NR3C1: variants seen among roughly 807,000 people sequenced by gnomAD.
The protein encoded by NR3C1 is glucocorticoid receptor.
In NR3C1, 14 loss-of-function variants were observed where a neutral mutation model predicts 74.0. The ratio of observed to expected loss-of-function variants is 0.19; its 90% confidence interval spans 0.12 to 0.30. The LOEUF (loss-of-function observed/expected upper bound fraction) is 0.30. Among genes scored for constraint, NR3C1 ranks in the 10% least tolerant of loss-of-function variants. NR3C1 has a pLI of 1.00. For missense variants in NR3C1, 695 were observed against 909.8 expected (o/e 0.76, Z 3.04); for synonymous variants, 308 against 332.5 (o/e 0.93, Z 0.80).
At chr5:143,333,906 CTT>C (rs749499262) in intron 2 of NR3C1, among the ~76,000 whole-genome samples, 36 of 152,164 alleles carry the variant, frequency 2.4e-4, no homozygotes, top group Non-Finnish European at 4.7e-4. Context: ...CTGAAGAAAT[CTT>C]AACTTTTTGA....
At chr5:143,282,141 A>G in intron 8 of NR3C1, 100 bp from the exon 9 acceptor site, 2 of 1,227,276 alleles carry the variant, frequency 1.6e-6, no homozygotes, top group Non-Finnish European at 2.4e-6. Flanking sequence ...CTGGCCTAGA[A>G]TATACCAATC....
intron 2 of NR3C1, among the ~76,000 whole-genome samples, chr5:143,395,615 A>T (rs1182041297): frequency 1.3e-5 from 2 of 151,852 alleles, no homozygotes; most frequent in African/African-American, 4.8e-5. Context: ...TTGCCCACCT[A>T]AGTACTAGTA....
chr5:143,404,549 C>T, upstream of NR3C1: 1 of 932,858 alleles, frequency 1.1e-6, no homozygotes, highest in Non-Finnish European at 1.3e-6. Flanking sequence ...GTCTGCGAGG[C>T]GGCGGCGGCG....
At chr5:143,288,345 T>A (rs1321183607) in intron 7 of NR3C1, among the ~76,000 whole-genome samples, 1 of 151,992 alleles carries the variant, frequency 6.6e-6, no homozygotes, top group Non-Finnish European at 1.5e-5. Context: ...GGTCTCGAAC[T>A]CCTGACTTGA....
chr5:143,418,016 G>C (rs1042289108), intron 1 of NR3C1, among the ~76,000 whole-genome samples: 1 of 152,140 alleles, frequency 6.6e-6, no homozygotes, highest in African/African-American at 2.4e-5. Flanking sequence ...TCTTTAACCA[G>C]CAAAATACTA....
chr5:143,419,995 C>T (rs1356217868), intron 1 of NR3C1, among the ~76,000 whole-genome samples: 1 of 152,130 alleles, frequency 6.6e-6, no homozygotes, highest in Non-Finnish European at 1.5e-5. Context: ...CAGGGATGTT[C>T]CTTGCTGAGA....
chr5:143,383,794 T>C (rs1385575959), intron 2 of NR3C1, among the ~76,000 whole-genome samples: 1 of 152,238 alleles, frequency 6.6e-6, no homozygotes, highest in Non-Finnish European at 1.5e-5. Flanking sequence ...TATGTATTTT[T>C]ATTATAAAGA....
Position 143,427,476 on chromosome 5 carries a change from T to C in NR3C1, c.-14+7056A>G, listed in dbSNP as rs557058400. Among the ~76,000 whole-genome samples, 21 of 152,184 alleles carry C rather than the reference T, an allele frequency of 1.4e-4. No individual in the cohort carries two copies. In the East Asian group the frequency reaches 3.9e-3, roughly 28 times the overall value. On this transcript the variant is annotated intron_variant, in intron 1 of 8. Coordinates refer to the NR3C1 transcript ENST00000343796. ...GGCAAGAAGAAGAGGGGAAAGATAG[T>C]TGGCAAAACAAACCTCAGCAGTGCC...
chr5:143,409,493 A>G (rs1841225390), intron 1 of NR3C1, among the ~76,000 whole-genome samples: 1 of 152,236 alleles, frequency 6.6e-6, no homozygotes. Flanking sequence ...GAACATGTTA[A>G]GCCCACACAA....
At chr5:143,403,083 C>T (rs1840652613) in intron 1 of NR3C1, 128 bp downstream of exon 1, 2 of 806,940 alleles carry the variant, frequency 2.5e-6, no homozygotes, top group African/African-American at 3.7e-5. Context: ...CTTGCCAGCC[C>T]CCCACCCCCA....
chr5:143,287,329 A>T (rs1282147562), intron 7 of NR3C1, among the ~76,000 whole-genome samples: 1 of 152,164 alleles, frequency 6.6e-6, no homozygotes, highest in African/African-American at 2.4e-5. Context: ...GGCACAAATT[A>T]TGAAAATCTA....
At chr5:143,384,080 T>C (rs767012639) in intron 2 of NR3C1, among the ~76,000 whole-genome samples, 4 of 152,048 alleles carry the variant, frequency 2.6e-5, no homozygotes, top group Non-Finnish European at 5.9e-5. Context: ...CTGGTGGAAG[T>C]TGAAGGAGAA....
intron 2 of NR3C1, among the ~76,000 whole-genome samples, chr5:143,316,104 A>C (rs1278727723): frequency 1.3e-5 from 2 of 152,184 alleles, no homozygotes; most frequent in African/African-American, 4.8e-5. Flanking sequence ...ACCTGAAATG[A>C]CTCTGCTGTA....
chr5:143,356,202 T>A (rs1355522553), intron 2 of NR3C1, among the ~76,000 whole-genome samples: 1 of 152,192 alleles, frequency 6.6e-6, no homozygotes, highest in African/African-American at 2.4e-5. Context: ...TATCCTCTCA[T>A]CAGTTTAAAT....
chr5:143,320,075 G>C (rs1177322571), intron 2 of NR3C1, among the ~76,000 whole-genome samples: 1 of 152,088 alleles, frequency 6.6e-6, no homozygotes, highest in Admixed American at 6.6e-5. Flanking sequence ...TTGTTCATTA[G>C]GAAAAATGTA....
At chr5:143,327,868 T>C (rs1186116435) in intron 2 of NR3C1, among the ~76,000 whole-genome samples, 4 of 152,236 alleles carry the variant, frequency 2.6e-5, no homozygotes, top group African/African-American at 9.6e-5. Flanking sequence ...TCTGTGGCTT[T>C]TCCAGACGTA....
At chr5:143,432,888 T>G (rs1161920588) in intron 1 of NR3C1, among the ~76,000 whole-genome samples, 1 of 152,170 alleles carries the variant, frequency 6.6e-6, no homozygotes, top group Non-Finnish European at 1.5e-5. Context: ...CACCGACTAT[T>G]GCGTTCTCTG....
At chr5:143,336,860 T>C (rs1330603730) in intron 2 of NR3C1, among the ~76,000 whole-genome samples, 1 of 151,614 alleles carries the variant, frequency 6.6e-6, no homozygotes, top group African/African-American at 2.4e-5. Flanking sequence ...ATACCTGTAA[T>C]CCTAGCTACT....
chr5:143,368,219 A>C (rs1259286119), intron 2 of NR3C1, among the ~76,000 whole-genome samples: 1 of 152,192 alleles, frequency 6.6e-6, no homozygotes, highest in African/African-American at 2.4e-5. Flanking sequence ...CCTACTTCAC[A>C]CCATATACAC....
Sources: gnomAD v4.1 joint callset for allele counts (sites outside exome capture counted in the v4.1 genomes callset) on GRCh38, gnomAD v4.1.1 for gene constraint, MANE v1.5 for transcripts, NCBI Gene and HGNC (gene_info 2026-07-23, HGNC 2026-07-21) for gene names.